The following ABHD14A variants were observed in gnomAD, a reference collection of about 807,000 sequenced individuals.
The protein encoded by ABHD14A is protein ABHD14A.
Under a neutral mutation model 27.0 loss-of-function variants are expected in ABHD14A, and 19 were observed. That is an observed-to-expected ratio of 0.70 (90% CI 0.49 to 1.03). The LOEUF (loss-of-function observed/expected upper bound fraction) is 1.03, where lower values mean the gene tolerates loss of function less well. ABHD14A is among the 50% of genes least tolerant of loss of function. The pLI, the probability that ABHD14A is intolerant of heterozygous loss-of-function variation, is 0.00. For synonymous variants in ABHD14A, 148 were observed against 158.8 expected, an observed-to-expected ratio of 0.93 and a Z score of 0.51; for missense variants, 311 against 344.6, an observed-to-expected ratio of 0.90 and a Z score of 0.77.
chr3:51,976,839 T>A (rs1276397149), intron 1 of ABHD14A, among the ~76,000 whole-genome samples: 1 of 152,174 alleles, frequency 6.6e-6, no homozygotes, highest in Non-Finnish European at 1.5e-5. Flanking sequence ...TATCCCATTT[T>A]ACTGACAAAC....
rs765526668 is a variant in ABHD14A at position 51,980,322 on chromosome 3, C to T, written c.398-71C>T. 4.8e-6 allele frequency: 7 copies of T among 1,457,270 alleles called. No homozygotes were observed. In the African/African-American group the frequency reaches 8.3e-5, roughly 17 times the overall value. 90.3% of individuals were successfully genotyped at this position (1,457,270 alleles called of 1,614,324 possible). A position where few individuals can be genotyped will look rare whatever the true frequency, so the allele number is the denominator to read the frequency against. Reference sequence around the variant, plus strand: ...TGCCAGTGGTCCCCAACTTTTTCCCCCACTGTGGTGGGCAGGAAGTCCTGT... The same window carrying T: ...TGCCAGTGGTCCCCAACTTTTTCCCTCACTGTGGTGGGCAGGAAGTCCTGT... On this transcript the variant is annotated intron_variant, in intron 3 of 4. Transcript: ENST00000273596.
Position 51,975,140 on chromosome 3 carries a change from T to A in ABHD14A, c.5T>A (p.Val2Asp). ...CGCGGAGCTGCGGAGGCAGCCATGG[T>A]CGGGGCGCTGTGCGGCTGCTGGTTC... is the stretch of plus-strand genomic sequence containing the variant. The part of the protein sequence containing the change: M[V>D]GALCGCWFRL... Residue 2 changes from valine to aspartate, a missense_variant, in exon 1 of 5, where the codon GTC becomes GAC. By Grantham distance (152) the Val-to-Asp change is radical. Transcript: ENST00000273596. 7.7e-7 allele frequency: 1 copy of A among 1,291,302 alleles called. No homozygotes were observed. Among genetic ancestry groups the A allele is most frequent in the Non-Finnish European group, 9.8e-7 (1 of 1,019,312 alleles). 80.0% of individuals were successfully genotyped at this position (1,291,302 alleles called of 1,614,324 possible).
At chr3:51,976,410 C>T (rs1384317336) in intron 1 of ABHD14A, among the ~76,000 whole-genome samples, 2 of 152,254 alleles carry the variant, frequency 1.3e-5, no homozygotes, top group African/African-American at 4.8e-5. Context: ...GGCGCGGTGG[C>T]TCACGCCTGT....
chr3:51,979,944 G>C (rs1700878341), intron 3 of ABHD14A, among the ~76,000 whole-genome samples: 1 of 149,962 alleles, frequency 6.7e-6, no homozygotes, highest in Non-Finnish European at 1.5e-5. Context: ...TTTTTTTTTA[G>C]ACAGAGTCTC....
In ABHD14A at chr3:51,978,246, T is replaced by C. The variant is rs1417138828; in HGVS notation, c.282-13T>C. The C allele has an allele frequency of 6.5e-7, 1 of 1,547,518 alleles. No homozygotes were observed. The highest frequency in any genetic ancestry group is 1.4e-5 in the African/African-American group (1 of 73,104). Reference sequence around the variant, plus strand: ...CAGGTTCCCAGCAAACACATTCCCCTGTGTGCCTGCAGGGTGGAGGTGGTG... The same window carrying C: ...CAGGTTCCCAGCAAACACATTCCCCCGTGTGCCTGCAGGGTGGAGGTGGTG... On this transcript the variant is annotated splice_polypyrimidine_tract_variant and intron_variant, in intron 2 of 4. Transcript: ENST00000273596.
intron 3 of ABHD14A, chr3:51,978,790 C>T: frequency 4.6e-6 from 1 of 216,086 alleles, no homozygotes; most frequent in Non-Finnish European, 9.8e-6. Context: ...TAGGGTTTCA[C>T]CATGCTGGCC....
chr3:51,978,380 C>T lies in ABHD14A; in HGVS notation c.397+6C>T. 1 of 1,547,872 alleles carries T rather than the reference C, an allele frequency of 6.5e-7. No individual in the cohort carries two copies. The highest frequency in any genetic ancestry group is 8.7e-7 in the Non-Finnish European group (1 of 1,143,940). ...CGTGGCCCTTGACCTTCCAGGTGAGCACCCCCACCCCTTTGTCTAGGGAAG... is the reference window on the plus strand; with the variant it reads ...CGTGGCCCTTGACCTTCCAGGTGAGTACCCCCACCCCTTTGTCTAGGGAAG... On this transcript the variant is annotated splice_donor_region_variant and intron_variant, in intron 3 of 4. Coordinates refer to ENST00000273596, the MANE Select transcript of ABHD14A (RefSeq NM_015407.5).
chr3:51,980,810 T>C (rs1700895266), intron 4 of ABHD14A, 26 bp from the exon 5 acceptor site: 1 of 1,600,104 alleles, frequency 6.2e-7, no homozygotes, highest in Admixed American at 1.7e-5. Context: ...GGCCCCAAGA[T>C]CACAGCCCCC....
Position 51,978,350 on chromosome 3 carries a change from C to A in ABHD14A, c.373C>A (p.Arg125=). 2 of 1,551,588 alleles carry A rather than the reference C, an allele frequency of 1.3e-6. No homozygotes were observed. The change falls in exon 3 of 5, where the codon CGG becomes AGG. Residue 125 remains arginine (R), a synonymous_variant. Transcript: ENST00000273596. ...GCAGCTACTGTCACAGAGGGGCTAC[C>A]GGGCCGTGGCCCTTGACCTTCCAGG... ...TLQLLSQRGY[R]AVALDLPGFG... is the part of the protein sequence containing the mutation.
chr3:51,978,512 A>C (rs1169762285), intron 3 of ABHD14A, 138 bp downstream of exon 3: 2 of 550,884 alleles, frequency 3.6e-6, no homozygotes, highest in South Asian at 3.2e-5. Flanking sequence ...ATTTTCTACT[A>C]TGAAAACTAC....
chr3:51,980,601 C>T lies in ABHD14A; in HGVS notation c.606C>T (p.Tyr202=), dbSNP rs1393770059. ...VPIAPTSTQN[Y]TQEQFWAVKT... Reference sequence around the variant, plus strand: ...TCGCACCCACCTCCACCCAGAACTACACCCAGGAGCAATTCTGGGCTGTGA... The same window carrying T: ...TCGCACCCACCTCCACCCAGAACTATACCCAGGAGCAATTCTGGGCTGTGA... Residue 202 remains tyrosine (Y), a synonymous_variant, in exon 4 of 5, where the codon TAC becomes TAT. Transcript: ENST00000273596. 11 of 1,613,826 alleles carry T rather than the reference C, an allele frequency of 6.8e-6. No homozygotes were observed. The highest frequency in any genetic ancestry group is 1.6e-4 in the Middle Eastern group (1 of 6,084).
At chr3:51,979,571 G>A (rs1250428008) in intron 3 of ABHD14A, among the ~76,000 whole-genome samples, 3 of 146,538 alleles carry the variant, frequency 2.0e-5, no homozygotes, top group Non-Finnish European at 4.5e-5. Flanking sequence ...TGCAACCTCC[G>A]CCTTCTGGGT....
intron 1 of ABHD14A, among the ~76,000 whole-genome samples, chr3:51,975,594 T>C (rs1700772312): frequency 6.6e-6 from 1 of 151,998 alleles, no homozygotes; most frequent in Non-Finnish European, 1.5e-5. Context: ...TGTGTGTGTG[T>C]GCGTGTCTGC....
At chr3:51,978,839 G>A in intron 3 of ABHD14A, 1 of 233,976 alleles carries the variant, frequency 4.3e-6, no homozygotes, top group South Asian at 3.8e-5. Context: ...TGATTCGCCT[G>A]CCTCGGCCTC....
chr3:51,976,428 G>A (rs1423383747), intron 1 of ABHD14A, among the ~76,000 whole-genome samples: 1 of 151,982 alleles, frequency 6.6e-6, no homozygotes, highest in Non-Finnish European at 1.5e-5. Context: ...TGTAATCCCA[G>A]CACTCTGGGA....
chr3:51,980,982 C>T lies in ABHD14A; in HGVS notation c.780C>T (p.His260=). ...ACYLHKPQDF[H]LVLLAFLDHL... is the part of the protein sequence containing the mutation. ...ACCTCCACAAGCCGCAAGACTTCCACCTTGTCCTGCTTGCCTTCCTTGACC... is the reference window on the plus strand; with the variant it reads ...ACCTCCACAAGCCGCAAGACTTCCATCTTGTCCTGCTTGCCTTCCTTGACC... The change falls in exon 5 of 5, where the codon CAC becomes CAT. Residue 260 remains histidine (H), a synonymous_variant. Transcript: ENST00000273596. The T allele has an allele frequency of 6.2e-7, 1 of 1,613,592 alleles. No homozygotes were observed. The highest frequency in any genetic ancestry group is 8.5e-7 in the Non-Finnish European group (1 of 1,179,510).
intron 1 of ABHD14A, 69 bp downstream of exon 1, chr3:51,975,273 C>A: frequency 8.2e-7 from 1 of 1,221,256 alleles, no homozygotes; most frequent in Non-Finnish European, 1.0e-6. Flanking sequence ...CGCCCCTTGC[C>A]CCGGCGCCCC....
rs777904784 is a variant in ABHD14A, at chr3:51,980,936, G to A, written c.734G>A (p.Arg245His). 38 of 1,614,020 alleles carry A rather than the reference G, an allele frequency of 2.4e-5. No individual in the cohort carries two copies. The highest frequency in any genetic ancestry group is 3.0e-5 in the Non-Finnish European group (35 of 1,180,040). Residue 245 changes from arginine (R) to histidine (H), a missense_variant, in exon 5 of 5, where the codon CGC becomes CAC. Transcript: ENST00000273596. Reference protein sequence around the residue: ...HLPNHSVVKLRNAGHACYLHK... With the variant: ...HLPNHSVVKLHNAGHACYLHK... The stretch of plus-strand genomic sequence containing the variant: ...CCCAACCACTCTGTGGTGAAGCTAC[G>A]CAATGCAGGCCATGCCTGTTACCTC...
chr3:51,979,539 C>T (rs1700869413), intron 3 of ABHD14A, among the ~76,000 whole-genome samples: 1 of 146,882 alleles, frequency 6.8e-6, no homozygotes, highest in African/African-American at 2.5e-5. Flanking sequence ...GGCTGGAGTG[C>T]AGTGGCTCGT....
Sources: allele counts gnomAD v4.1 joint callset (sites outside exome capture counted in the v4.1 genomes callset), GRCh38; gene constraint gnomAD v4.1.1; transcripts MANE v1.5; gene names NCBI Gene and HGNC (gene_info 2026-07-23, HGNC 2026-07-21).